The following SAFB2 variants were observed in gnomAD, a reference collection of about 807,000 sequenced individuals.
SAFB2 encodes the protein scaffold attachment factor B2.
A neutral mutation model predicts 100.6 loss-of-function variants in SAFB2; 32 were observed. That is an observed-to-expected ratio of 0.32 (90% confidence interval 0.24 to 0.43). The LOEUF (loss-of-function observed/expected upper bound fraction) is 0.43, where lower values mean the gene tolerates loss of function less well. Among genes scored for constraint, SAFB2 ranks in the 20% least tolerant of loss-of-function variants. The pLI is 1.00. For synonymous variants in SAFB2, 500 were observed against 439.4 expected, an observed-to-expected ratio of 1.14 and a Z score of -1.72; for missense variants, 1,185 against 1,163.4, an observed-to-expected ratio of 1.02 and a Z score of -0.27.
chr19:5,613,754 T>C, intron 4 of SAFB2: 1 of 985,390 alleles, frequency 1.0e-6, no homozygotes, highest in Non-Finnish European at 1.2e-6. Context: ...GGGTATGCCC[T>C]GTCTGTACTG....
At chr19:5,594,998 G>A (rs1212500938) in intron 14 of SAFB2, among the ~76,000 whole-genome samples, 4 of 152,148 alleles carry the variant, frequency 2.6e-5, no homozygotes, top group Admixed American at 6.5e-5. Flanking sequence ...ACAAGTGCAC[G>A]CCACCATGCC....
chr19:5,602,858 C>T (rs1398431501), intron 11 of SAFB2, among the ~76,000 whole-genome samples: 3 of 152,138 alleles, frequency 2.0e-5, no homozygotes, highest in Non-Finnish European at 4.4e-5. Context: ...CTTAGCAATG[C>T]TGATGGGATG....
In SAFB2 at chr19:5,600,108, G is replaced by A. The variant is rs2285968; in HGVS notation, c.1690+22C>T. On this transcript the variant is annotated intron_variant, in intron 12 of 20. Coordinates refer to ENST00000252542, the MANE Select transcript of SAFB2 (RefSeq NM_014649.3). ...CCGTGCCAGGCCTTCCCCTTCCACA[G>A]CTCTTAAAAGGCTCTCCTCACCTGA... 1.6e-5 allele frequency: 26 copies of A among 1,603,560 alleles called. No individual in the cohort carries two copies. The African/African-American group carries it at 2.4e-4, about 15-fold the overall frequency.
intron 1 of SAFB2, among the ~76,000 whole-genome samples, chr19:5,622,207 G>A (rs970469927): frequency 1.3e-5 from 2 of 152,246 alleles, no homozygotes; most frequent in Non-Finnish European, 1.5e-5. Context: ...CAGAGAGAAA[G>A]GCACCTGCCC....
chr19:5,593,170 C>G (rs2052452073), intron 15 of SAFB2, among the ~76,000 whole-genome samples: 1 of 152,220 alleles, frequency 6.6e-6, no homozygotes, highest in Non-Finnish European at 1.5e-5. Flanking sequence ...CCTTGATCCC[C>G]CCTCATGAGC....
chr19:5,605,042 C>T, intron 9 of SAFB2, 106 bp from the exon 10 acceptor site: 1 of 1,300,212 alleles, frequency 7.7e-7, no homozygotes. Flanking sequence ...CACCTCTCCC[C>T]ATATGGTAGT....
chr19:5,595,239 C>T (rs1333136600), intron 14 of SAFB2, 122 bp downstream of exon 14: 1 of 1,341,914 alleles, frequency 7.5e-7, no homozygotes, highest in Non-Finnish European at 1.0e-6. Flanking sequence ...TTAAGCACGA[C>T]ACCCGCCAGC....
At chr19:5,604,217 C>A (rs1233419780) in intron 11 of SAFB2, among the ~76,000 whole-genome samples, 1 of 152,154 alleles carries the variant, frequency 6.6e-6, no homozygotes, top group East Asian at 1.9e-4. Context: ...TTGAGACCAG[C>A]CTTGGTAACA....
At chr19:5,602,206 G>A (rs771909531) in intron 11 of SAFB2, among the ~76,000 whole-genome samples, 3 of 152,054 alleles carry the variant, frequency 2.0e-5, no homozygotes, top group Admixed American at 1.3e-4. Flanking sequence ...CGCCGGGCGC[G>A]ATGGCTCACA....
intron 1 of SAFB2, among the ~76,000 whole-genome samples, chr19:5,621,694 G>C (rs897778444): frequency 6.6e-6 from 1 of 152,236 alleles, no homozygotes; most frequent in Non-Finnish European, 1.5e-5. Context: ...CGACTTTAAA[G>C]TTATATGATG....
At chr19:5,602,122 C>G (rs1160542177) in intron 11 of SAFB2, among the ~76,000 whole-genome samples, 1 of 151,990 alleles carries the variant, frequency 6.6e-6, no homozygotes, top group Non-Finnish European at 1.5e-5. Context: ...AAAATAAGGT[C>G]AAAACAAATT....
At chr19:5,620,701 G>A (rs543182868) in intron 2 of SAFB2, among the ~76,000 whole-genome samples, 1 of 152,336 alleles carries the variant, frequency 6.6e-6, no homozygotes, top group African/African-American at 2.4e-5. Flanking sequence ...TTCTAATGAG[G>A]ACCGGGTTTC....
chr19:5,605,133 T>C (rs893867092), intron 9 of SAFB2, among the ~76,000 whole-genome samples, 197 bp from the exon 10 acceptor site: 2 of 151,912 alleles, frequency 1.3e-5, no homozygotes, highest in African/African-American at 4.8e-5. Context: ...TTGAGACAGT[T>C]TCGCTCTGTC....
chr19:5,603,619 C>T (rs931822355), intron 11 of SAFB2, among the ~76,000 whole-genome samples: 2 of 152,122 alleles, frequency 1.3e-5, no homozygotes, highest in African/African-American at 2.4e-5. Flanking sequence ...CCAACTACTA[C>T]GCCAAGGTAC....
At chr19:5,613,060 G>A (rs140432858) in intron 5 of SAFB2, among the ~76,000 whole-genome samples, 132 of 152,292 alleles carry the variant, frequency 8.7e-4, no homozygotes, top group Non-Finnish European at 1.4e-3. Context: ...TCAGCGAGGC[G>A]GGCCCAGCTG....
intron 16 of SAFB2, 151 bp downstream of exon 16, chr19:5,592,596 T>C: frequency 1.2e-6 from 1 of 832,424 alleles, no homozygotes; most frequent in Admixed American, 2.8e-5. Context: ...GCTCAAGTTC[T>C]GTGCAAGGCC....
intron 16 of SAFB2, among the ~76,000 whole-genome samples, chr19:5,592,002 G>C (rs980296885): frequency 6.6e-6 from 1 of 152,210 alleles, no homozygotes; most frequent in Non-Finnish European, 1.5e-5. Context: ...TAGGAATAAA[G>C]ATCTCACTGA....
chr19:5,595,540 CAACA>C (rs775879200), intron 13 of SAFB2, 43 bp from the exon 14 acceptor site: 50 of 1,606,162 alleles, frequency 3.1e-5, no homozygotes, highest in Middle Eastern at 1.6e-4. Flanking sequence ...AAAATGATTG[CAACA>C]AACAAACAAT....
At chr19:5,589,399 G>A (rs749863096) in intron 18 of SAFB2, among the ~76,000 whole-genome samples, 34 of 152,096 alleles carry the variant, frequency 2.2e-4, no homozygotes, top group Non-Finnish European at 4.3e-4. Flanking sequence ...AAAGTCCCTG[G>A]CAGAGCTGGA....
Sources: gnomAD v4.1 joint callset for allele counts (sites outside exome capture counted in the v4.1 genomes callset) on GRCh38, gnomAD v4.1.1 for gene constraint, MANE v1.5 for transcripts, NCBI Gene and HGNC (gene_info 2026-07-23, HGNC 2026-07-21) for gene names.